RELL1: variants seen among roughly 807,000 people sequenced by gnomAD.
RELL1 encodes RELT-like protein 1.
A neutral mutation model predicts 23.0 loss-of-function variants in RELL1; 10 were observed. The ratio of observed to expected loss-of-function variants is 0.43; its 90% CI spans 0.27 to 0.74. The LOEUF (loss-of-function observed/expected upper bound fraction) is 0.74, where lower values mean the gene tolerates loss of function less well. RELL1 is among the 30% of genes least tolerant of loss of function. The pLI is 0.19. For missense variants in RELL1, 315 were observed against 364.4 expected (o/e 0.86, Z 1.10); for synonymous variants, 146 against 146.8 (o/e 0.99, Z 0.04).
chr4:37,632,096 A>AC (rs1485079501), intron 5 of RELL1, among the ~76,000 whole-genome samples: 4 of 150,270 alleles, frequency 2.7e-5, no homozygotes, highest in Non-Finnish European at 4.4e-5. Context: ...AAAAAAAAAA[A>AC]AAAAAAAAAA....
downstream of RELL1, chr4:37,590,411 A>G: frequency 6.2e-7 from 1 of 1,613,514 alleles, no homozygotes; most frequent in South Asian, 1.1e-5. Context: ...ACCCAGGATG[A>G]CAGGGGCTCC....
At chr4:37,652,107 T>C (rs1201828213) in intron 1 of RELL1, among the ~76,000 whole-genome samples, 1 of 152,160 alleles carries the variant, frequency 6.6e-6, no homozygotes, top group East Asian at 1.9e-4. Context: ...ATATGCCTGG[T>C]ATGAAATGAG....
At chr4:37,632,150 G>T (rs866278142) in intron 5 of RELL1, among the ~76,000 whole-genome samples, 1 of 117,328 alleles carries the variant, frequency 8.5e-6, no homozygotes, top group African/African-American at 3.0e-5. Context: ...CAGAGTTGTC[G>T]TTTCTAACAA....
Position 37,613,948 on chromosome 4 carries a change from C to G in RELL1, c.*4-606G>C, listed in dbSNP as rs114971125. ...ACTTTTTACTTTCCTGTTTTACAGA[C>G]TGGCATAACCCAGGACAGGACTAAA... On this transcript the variant is annotated intron_variant, in intron 6 of 6. Transcript: ENST00000454158. 6.6e-3 allele frequency among the ~76,000 whole-genome samples: 1,011 copies of G among 152,306 alleles called. 6 individuals carry two copies. Among genetic ancestry groups the G allele is most frequent in the Non-Finnish European group, 0.01 (698 of 68,018 alleles).
At position 37,676,250 on chromosome 4, in the gene RELL1, G is replaced by T. The variant is rs568164323; in HGVS notation, c.88+9950C>A. The stretch of plus-strand genomic sequence containing the variant: ...CTGATAACCTACTAGCTCCATAAAG[G>T]CAGGTACTGAGTCTATTTTGTTCAC... On this transcript the variant is annotated intron_variant, in intron 1 of 6. Coordinates refer to ENST00000454158, the MANE Select transcript of RELL1 (RefSeq NM_001085400.2). 2.0e-5 allele frequency among the ~76,000 whole-genome samples: 3 copies of T among 152,230 alleles called. No homozygotes were observed. The South Asian group carries it at 6.2e-4, about 32-fold the overall frequency.
At chr4:37,601,129 G>A (rs1199233212) in intron 6 of RELL1, among the ~76,000 whole-genome samples, 1 of 152,126 alleles carries the variant, frequency 6.6e-6, no homozygotes, top group African/African-American at 2.4e-5. Context: ...TAAGGCAGTT[G>A]ACCTGCCATC....
intron 1 of RELL1, among the ~76,000 whole-genome samples, chr4:37,660,844 A>T (rs1560352233): frequency 6.6e-6 from 1 of 152,158 alleles, no homozygotes; most frequent in African/African-American, 2.4e-5. Context: ...ATCCTGGCTA[A>T]CACGGTGAAA....
Position 37,647,448 on chromosome 4 carries a change from GA to G in RELL1, c.314-10del, listed in dbSNP as rs771290166. 2.2e-5 allele frequency: 36 copies of G among 1,602,072 alleles called. No homozygotes were observed. In the African/African-American group the frequency reaches 4.6e-4, roughly 20 times the overall value. ...CACACTGTCATTCAATTCTGAAAGA[GA>G]AAAGAGGAGGGGAGAACAGGTTACA... On this transcript the variant is annotated splice_polypyrimidine_tract_variant and intron_variant, in intron 2 of 6. Transcript: ENST00000454158.
intron 1 of RELL1, among the ~76,000 whole-genome samples, chr4:37,662,839 G>A (rs775535140): frequency 1.5e-4 from 23 of 150,986 alleles, no homozygotes; most frequent in African/African-American, 5.4e-4. Flanking sequence ...CTAGGATCCC[G>A]GTGTCTTGAG....
Position 37,636,914 on chromosome 4 carries a change from T to C in RELL1, c.443+1533A>G, listed in dbSNP as rs534990714. On this transcript the variant is annotated intron_variant, in intron 4 of 6. Coordinates refer to ENST00000454158, the MANE Select transcript of RELL1 (RefSeq NM_001085400.2). ...ACGGTTGAGGAGACCGCCTCAAACATGACTGAGCCAAAAGTCTTCTGGTGC... is the reference window on the plus strand; with the variant it reads ...ACGGTTGAGGAGACCGCCTCAAACACGACTGAGCCAAAAGTCTTCTGGTGC... 2.0e-5 allele frequency among the ~76,000 whole-genome samples: 3 copies of C among 152,320 alleles called. No individual in the cohort carries two copies. In the East Asian group the frequency reaches 5.8e-4, roughly 29 times the overall value.
intron 1 of RELL1, among the ~76,000 whole-genome samples, chr4:37,650,095 G>A (rs62297225): frequency 0.23 from 35,179 of 152,046 alleles, 4,318 homozygotes; most frequent in Middle Eastern, 0.3. Flanking sequence ...AAATTATTAC[G>A]TGTAAACTAG....
downstream of RELL1, among the ~76,000 whole-genome samples, chr4:37,610,215 C>T (rs1188970021): frequency 1.3e-5 from 2 of 151,482 alleles, no homozygotes; most frequent in Admixed American, 6.6e-5. This position sits in a 1 kb window ranked among gnomAD's most constrained non-coding sequence, Gnocchi z 4.1. Flanking sequence ...TTATGACTTG[C>T]TGAAGGCTCA....
At chr4:37,637,135 C>A (rs998758303) in intron 4 of RELL1, among the ~76,000 whole-genome samples, 1 of 152,330 alleles carries the variant, frequency 6.6e-6, no homozygotes, top group South Asian at 2.1e-4. Flanking sequence ...CCAAAGATGA[C>A]TGAGACAAAG....
intron 1 of RELL1, among the ~76,000 whole-genome samples, chr4:37,664,514 T>G (rs1334095953): frequency 2.6e-5 from 4 of 152,172 alleles, no homozygotes; most frequent in African/African-American, 9.7e-5. Context: ...GCTCAAAAAC[T>G]GTTATTCAGT....
intron 6 of RELL1, among the ~76,000 whole-genome samples, chr4:37,630,676 C>G (rs1232620529): frequency 6.6e-6 from 1 of 151,458 alleles, no homozygotes; most frequent in Non-Finnish European, 1.5e-5. Context: ...TGCCCAGCTG[C>G]GTGTTGTTTT....
downstream of RELL1, chr4:37,590,042 TTAA>T (rs755120144): frequency 1.4e-6 from 2 of 1,383,012 alleles, no homozygotes; most frequent in African/African-American, 2.9e-5. Flanking sequence ...GTAAAAAGCA[TTAA>T]TGATGGAGCA....
At position 37,612,761 on chromosome 4, in the gene RELL1, C is replaced by T. The variant is rs2109231902; in HGVS notation, c.*585G>A. On this transcript the variant is annotated 3_prime_UTR_variant, in exon 7 of 7. Transcript: ENST00000454158. ...AAGTCTAGCATCTGGTCCCATCTGA[C>T]TCCATGGTCCCTTGGGGAATCAACT... 1 of 152,154 alleles carries T rather than the reference C, an allele frequency of 6.6e-6. No homozygotes were observed. Among genetic ancestry groups the T allele is most frequent in the East Asian group, 1.9e-4 (1 of 5,178 alleles). The allele number at this position is 152,154 out of a possible 1,614,324, so 9.4% of individuals were successfully genotyped here.
At chr4:37,604,814 C>CAG (rs1719119421) in intron 6 of RELL1, among the ~76,000 whole-genome samples, 1 of 116,628 alleles carries the variant, frequency 8.6e-6, no homozygotes, top group Non-Finnish European at 1.8e-5. Flanking sequence ...CACACAGACA[C>CAG]ACACACAGAC....
At position 37,611,898 on chromosome 4, in the gene RELL1, G is replaced by A. The variant is rs960535670; in HGVS notation, c.*1448C>T. Among the ~76,000 whole-genome samples, 1 of 151,626 alleles carries A rather than the reference G, an allele frequency of 6.6e-6. No individual in the cohort carries two copies. Among genetic ancestry groups the A allele is most frequent in the African/African-American group, 2.4e-5 (1 of 41,264 alleles). ...TATATGAGAAGCAGGGTTCTAGGCC[G>A]GGCGCAGTGGCTCAAGCCTGTAATC... is the stretch of plus-strand genomic sequence containing the variant. On this transcript the variant is annotated 3_prime_UTR_variant, in exon 7 of 7. Transcript: ENST00000454158.
Sources: allele counts gnomAD v4.1 joint callset (sites outside exome capture counted in the v4.1 genomes callset), GRCh38; gene constraint gnomAD v4.1.1; non-coding constraint Gnocchi (gnomAD v3.1); transcripts MANE v1.5; gene names NCBI Gene and HGNC (gene_info 2026-07-23, HGNC 2026-07-21).